TENM1: variants seen among roughly 807,000 people sequenced by gnomAD.
TENM1 encodes the protein teneurin-1.
Under a neutral mutation model 174.8 loss-of-function variants are expected in TENM1, and 35 were observed. That is an observed-to-expected ratio of 0.20 (90% CI 0.15 to 0.27). TENM1 has a LOEUF of 0.27. TENM1 is among the 10% of genes least tolerant of loss of function. The pLI is 1.00. For missense variants in TENM1, 1,633 were observed against 2,130.1 expected (o/e 0.77, Z 4.59); for synonymous variants, 781 against 798.7 (o/e 0.98, Z 0.37).
the TENM1 span, among the ~76,000 whole-genome samples, chrX:125,015,165 T>C: frequency 0.016 from 1,762 of 111,486 alleles, 40 homozygotes; most frequent in African/African-American, 0.053. Flanking sequence ...TGGGACATCC[T>C]TGGGTGTTTA....
the TENM1 span, among the ~76,000 whole-genome samples, chrX:125,088,444 G>A: frequency 4.5e-5 from 5 of 111,062 alleles, no homozygotes; most frequent in East Asian, 1.4e-3. Context: ...GGTTCATTGT[G>A]ACAAATATAT....
the TENM1 span, among the ~76,000 whole-genome samples, chrX:125,203,444 T>C: frequency 8.9e-6 from 1 of 112,311 alleles, no homozygotes; most frequent in Non-Finnish European, 1.9e-5. Context: ...GGAGGCTCCC[T>C]CTCAGAACTG....
intron 3 of TENM1, among the ~76,000 whole-genome samples, chrX:124,788,897 C>T (rs760111341): frequency 8.9e-6 from 1 of 112,130 alleles, no homozygotes; most frequent in Non-Finnish European, 1.9e-5. Context: ...CTTACAGCTC[C>T]ACTTGGTGGT....
chrX:124,958,550 A>AGAT (rs1417716287), intron 1 of TENM1, among the ~76,000 whole-genome samples: 3 of 111,644 alleles, frequency 2.7e-5, no homozygotes, highest in African/African-American at 9.8e-5. Flanking sequence ...GAATTCCTGA[A>AGAT]GATCATCACT....
At chrX:124,515,873 A>G (rs1024148237) in intron 18 of TENM1, among the ~76,000 whole-genome samples, 1 of 110,913 alleles carries the variant, frequency 9.0e-6, no homozygotes, top group Non-Finnish European at 1.9e-5. Flanking sequence ...GAACCCCCCA[A>G]AAAAGCCTAA....
At chrX:124,433,202 A>T (rs1187721163) in intron 23 of TENM1, among the ~76,000 whole-genome samples, 1 of 112,029 alleles carries the variant, frequency 8.9e-6, no homozygotes, top group African/African-American at 3.2e-5. Flanking sequence ...TTTGGTCTTG[A>T]CTGGAGTTAC....
At chrX:124,582,146 G>T (rs191201960) in intron 11 of TENM1, among the ~76,000 whole-genome samples, 4 of 111,568 alleles carry the variant, frequency 3.6e-5, no homozygotes, top group Admixed American at 1.9e-4. Flanking sequence ...TTGGTTTTCT[G>T]TTCCTGTGTT....
At chrX:124,974,902 A>ATATATATATATAT in the TENM1 span, among the ~76,000 whole-genome samples, 7 of 91,956 alleles carry the variant, frequency 7.6e-5, no homozygotes, top group Non-Finnish European at 1.3e-4. Flanking sequence ...ATATATATAT[A>ATATATATATATAT]AAATAATTTT....
At chrX:125,025,431 C>CA in the TENM1 span, among the ~76,000 whole-genome samples, 2 of 111,299 alleles carry the variant, frequency 1.8e-5, no homozygotes, top group Non-Finnish European at 3.8e-5. Context: ...AGGAGAAGAG[C>CA]AAAAAATATA....
chrX:125,170,843 T>C, the TENM1 span, among the ~76,000 whole-genome samples: 9,471 of 111,342 alleles, frequency 0.085, 378 homozygotes, highest in Middle Eastern at 0.14. Context: ...ATCTCTCAGA[T>C]ATATTGCATG....
intron 3 of TENM1, among the ~76,000 whole-genome samples, chrX:124,794,041 C>A (rs763981820): frequency 9.0e-6 from 1 of 110,608 alleles, no homozygotes; most frequent in Non-Finnish European, 1.9e-5. Context: ...TTCTGTATCC[C>A]AACGGAACTC....
chrX:125,121,016 T>C, the TENM1 span, among the ~76,000 whole-genome samples: 2,939 of 111,743 alleles, frequency 0.026, 92 homozygotes, highest in African/African-American at 0.09. Context: ...GGTTAACTTT[T>C]AGTCTCAAAA....
intron 3 of TENM1, among the ~76,000 whole-genome samples, chrX:124,783,016 C>G (rs2054950364): frequency 9.0e-6 from 1 of 111,623 alleles, no homozygotes; most frequent in Admixed American, 9.6e-5. Flanking sequence ...ATGGTTTAGC[C>G]ACCTGAAGGA....
chrX:124,732,708 T>C (rs2053591279), intron 4 of TENM1, among the ~76,000 whole-genome samples: 1 of 111,883 alleles, frequency 8.9e-6, no homozygotes, highest in Non-Finnish European at 1.9e-5. Context: ...GAGGTACTCT[T>C]GGAGTCATGT....
At chrX:124,441,763 G>A (rs1016822145) in intron 23 of TENM1, among the ~76,000 whole-genome samples, 12 of 112,320 alleles carry the variant, frequency 1.1e-4, no homozygotes, top group African/African-American at 3.6e-4. Context: ...TACACTGGAG[G>A]TTTGGTTGGT....
chrX:124,637,614 T>C (rs2050911541), intron 11 of TENM1, among the ~76,000 whole-genome samples: 1 of 111,512 alleles, frequency 9.0e-6, no homozygotes. Flanking sequence ...TTTCCTATTG[T>C]CCTCAGGGTC....
chrX:124,658,695 C>A (rs1281690057), intron 6 of TENM1, among the ~76,000 whole-genome samples: 2 of 111,853 alleles, frequency 1.8e-5, no homozygotes, highest in Admixed American at 9.5e-5. Context: ...ACTAATCTTA[C>A]AATTGAGAAA....
intron 11 of TENM1, among the ~76,000 whole-genome samples, chrX:124,607,610 G>C (rs2050190008): frequency 9.0e-6 from 1 of 111,298 alleles, no homozygotes; most frequent in African/African-American, 3.3e-5. Context: ...CACAGAGGTG[G>C]GAGAAGCAGA....
the TENM1 span, among the ~76,000 whole-genome samples, chrX:124,993,741 A>G: frequency 9.0e-6 from 1 of 111,423 alleles, no homozygotes; most frequent in South Asian, 3.8e-4. Context: ...TGTCCAAAAC[A>G]TTCATTAAGT....
Sources: allele counts gnomAD v4.1 joint callset (sites outside exome capture counted in the v4.1 genomes callset), GRCh38; gene constraint gnomAD v4.1.1; transcripts MANE v1.5; gene names NCBI Gene and HGNC (gene_info 2026-07-23, HGNC 2026-07-21).